The following AKAP6 variants were observed in gnomAD, a reference collection of about 807,000 sequenced individuals.
AKAP6 encodes A-kinase anchor protein 6.
Under a neutral mutation model 188.5 loss-of-function variants are expected in AKAP6, and 58 were observed. That is an observed-to-expected ratio of 0.31 (90% CI 0.25 to 0.38). AKAP6 has a LOEUF of 0.38. Ranked by LOEUF, AKAP6 falls within the 10% of genes least tolerant of loss-of-function variation. The pLI, the probability that AKAP6 is intolerant of heterozygous loss-of-function variation, is 1.00. For missense variants in AKAP6, 2,710 were observed against 2,740.0 expected, an observed-to-expected ratio of 0.99 and a Z score of 0.24; for synonymous variants, 989 against 998.6, an observed-to-expected ratio of 0.99 and a Z score of 0.18.
intron 1 of AKAP6, among the ~76,000 whole-genome samples, chr14:32,353,711 A>G (rs1023020692): frequency 3.4e-4 from 52 of 152,178 alleles, no homozygotes; most frequent in Non-Finnish European, 6.0e-4. Context: ...AGAAAACCCC[A>G]TCATCTCAGC....
chr14:32,354,810 C>T (rs917869736), intron 1 of AKAP6, among the ~76,000 whole-genome samples: 6 of 152,188 alleles, frequency 3.9e-5, no homozygotes, highest in African/African-American at 1.4e-4. Flanking sequence ...CCAGTAGGAC[C>T]TCCTGAAGTG....
intron 1 of AKAP6, among the ~76,000 whole-genome samples, chr14:32,383,596 A>G (rs1888438404): frequency 6.6e-6 from 1 of 152,170 alleles, no homozygotes; most frequent in Admixed American, 6.5e-5. Flanking sequence ...TTTGGAAAGA[A>G]ATTTAAATAT....
At chr14:32,433,437 T>G in intron 1 of AKAP6, 23 bp from the exon 2 acceptor site, 1 of 1,489,414 alleles carries the variant, frequency 6.7e-7, no homozygotes. Context: ...ACTCTTGCTT[T>G]CTTCTTTCCT....
At chr14:32,762,536 C>T (rs2032573953) in intron 11 of AKAP6, among the ~76,000 whole-genome samples, 1 of 151,974 alleles carries the variant, frequency 6.6e-6, no homozygotes, top group Non-Finnish European at 1.5e-5. Flanking sequence ...ACAGAGATAA[C>T]CGCAGCTTTC....
At chr14:32,626,886 T>C (rs1302162396) in intron 7 of AKAP6, among the ~76,000 whole-genome samples, 1 of 152,146 alleles carries the variant, frequency 6.6e-6, no homozygotes, top group Admixed American at 6.6e-5. Context: ...TTCTTACCAG[T>C]GCCTCACACA....
chr14:32,449,127 C>T (rs1031272182), intron 2 of AKAP6, among the ~76,000 whole-genome samples: 4 of 152,162 alleles, frequency 2.6e-5, no homozygotes, highest in Admixed American at 2.6e-4. Flanking sequence ...TTCCTTTACC[C>T]TCTACAAAGG....
Position 32,821,563 on chromosome 14 carries a change from G to T in AKAP6, c.3750G>T (p.Lys1250Asn), listed in dbSNP as rs1004574005. The change falls in exon 13 of 14, where the codon AAG becomes AAT. Residue 1250 changes from lysine to asparagine, a missense_variant. This residue lies in a region of AKAP6 where 2,473 missense variants were observed against 2,426.1 expected (regional missense o/e 1.02). Transcript: ENST00000280979. ...TCCAACCTGTTATCCCTTCCTTGAAGCTTGGAGAGACAAGTAATGAGGACC... is the reference window on the plus strand; with the variant it reads ...TCCAACCTGTTATCCCTTCCTTGAATCTTGGAGAGACAAGTAATGAGGACC... Reference protein sequence around the residue: ...QELQPVIPSLKLGETSNEDPG... With the variant: ...QELQPVIPSLNLGETSNEDPG... 1 of 1,613,716 alleles carries T rather than the reference G, an allele frequency of 6.2e-7. No homozygotes were observed.
intron 4 of AKAP6, among the ~76,000 whole-genome samples, chr14:32,569,438 G>C (rs1471490697): frequency 1.3e-5 from 2 of 152,142 alleles, no homozygotes; most frequent in South Asian, 2.1e-4. Flanking sequence ...GTACTGTGTT[G>C]GATTTTCTAG....
intron 5 of AKAP6, among the ~76,000 whole-genome samples, chr14:32,590,013 A>G (rs963535690): frequency 3.3e-5 from 5 of 152,334 alleles, no homozygotes; most frequent in Middle Eastern, 3.4e-3. Flanking sequence ...GAAATAATTC[A>G]CCTGATATAA....
intron 4 of AKAP6, among the ~76,000 whole-genome samples, chr14:32,557,328 G>A (rs1883732558): frequency 6.6e-6 from 1 of 152,084 alleles, no homozygotes; most frequent in African/African-American, 2.4e-5. Context: ...GAACTCCTTG[G>A]CTCAAGCCAT....
intron 2 of AKAP6, among the ~76,000 whole-genome samples, chr14:32,483,452 T>C (rs1879472602): frequency 6.6e-6 from 1 of 152,132 alleles, no homozygotes; most frequent in South Asian, 2.1e-4. Flanking sequence ...ATTTTTTTTC[T>C]CTTATAGGTT....
intron 12 of AKAP6, among the ~76,000 whole-genome samples, chr14:32,799,864 A>T (rs1258199356): frequency 6.6e-6 from 1 of 151,792 alleles, no homozygotes; most frequent in African/African-American, 2.4e-5. Flanking sequence ...CTATGTACCT[A>T]TTGATTTTCT....
chr14:32,347,639 G>T (rs534518896), intron 1 of AKAP6, among the ~76,000 whole-genome samples: 1 of 152,332 alleles, frequency 6.6e-6, no homozygotes, highest in Admixed American at 6.5e-5. Context: ...ATTTGTGAGT[G>T]GGGATAAGAC....
At chr14:32,709,944 C>G (rs1890971461) in intron 9 of AKAP6, among the ~76,000 whole-genome samples, 1 of 151,914 alleles carries the variant, frequency 6.6e-6, no homozygotes, top group South Asian at 2.1e-4. Context: ...TAACTGAAAC[C>G]ACTTCCATCC....
At chr14:32,511,621 C>T (rs1261531931) in intron 2 of AKAP6, among the ~76,000 whole-genome samples, 4 of 152,160 alleles carry the variant, frequency 2.6e-5, no homozygotes, top group African/African-American at 9.7e-5. Flanking sequence ...AGGTGACCCA[C>T]CCACCTCGGC....
Position 32,390,532 on chromosome 14 carries a change from C to T in AKAP6, c.-34-42928C>T, listed in dbSNP as rs148077456. Among the ~76,000 whole-genome samples, 527 of 152,224 alleles carry T rather than the reference C, an allele frequency of 3.5e-3. 1 individual carries two copies. Among genetic ancestry groups the T allele is most frequent in the Non-Finnish European group, 4.5e-3 (304 of 68,020 alleles). On this transcript the variant is annotated intron_variant, in intron 1 of 13. Transcript: ENST00000280979. ...GGCTGTTGTTTAGATTCTTTTGTCC[C>T]ACAGTGTGTTCCCTTGATGTAGTAC... is the stretch of plus-strand genomic sequence containing the variant.
chr14:32,408,183 A>G (rs905709439), intron 1 of AKAP6, among the ~76,000 whole-genome samples: 22 of 152,162 alleles, frequency 1.4e-4, no homozygotes, highest in Non-Finnish European at 2.9e-4. Context: ...GTTGAACAAG[A>G]ACTCCTCCAA....
chr14:32,521,170 A>G (rs894446078), intron 2 of AKAP6, among the ~76,000 whole-genome samples: 1 of 152,194 alleles, frequency 6.6e-6, no homozygotes, highest in Non-Finnish European at 1.5e-5. Context: ...TAAATTAGGT[A>G]TTGATGGGAT....
chr14:32,532,572 T>C (rs1218944176), intron 2 of AKAP6, among the ~76,000 whole-genome samples: 3 of 152,232 alleles, frequency 2.0e-5, no homozygotes, highest in Non-Finnish European at 4.4e-5. Context: ...TTTTACATGA[T>C]GCTTTCGTGG....
Sources: gnomAD v4.1 joint callset for allele counts (sites outside exome capture counted in the v4.1 genomes callset) on GRCh38, gnomAD v4.1.1 for gene constraint, gnomAD v4.1.1 regional missense constraint, MANE v1.5 for transcripts, NCBI Gene and HGNC (gene_info 2026-07-23, HGNC 2026-07-21) for gene names.